RIN2: variants seen among roughly 807,000 people sequenced by gnomAD.
The protein encoded by RIN2 is RAB5 interacting protein 2.
RIN2 carries 36 observed loss-of-function variants against 78.0 expected under a neutral mutation model. The ratio of observed to expected loss-of-function variants is 0.46; its 90% confidence interval spans 0.35 to 0.61. The LOEUF (loss-of-function observed/expected upper bound fraction) is 0.61. Ranked by LOEUF, RIN2 falls within the 20% of genes least tolerant of loss-of-function variation. RIN2 has a pLI of 0.00. For synonymous variants in RIN2, 466 were observed against 466.8 expected, an observed-to-expected ratio of 1.00 and a Z score of 0.02; for missense variants, 1,087 against 1,159.7, an observed-to-expected ratio of 0.94 and a Z score of 0.91.
Position 20,000,642 on chromosome 20 carries a change from C to G in RIN2, c.2394C>G (p.Val798=). ...QNYLRVAFQE[V]NSGCTGKTLL... ...ACCTCCGAGTTGCATTTCAGGAGGT[C>G]AACAGTGGTTGCACAGGAAAGACCC... The change falls in exon 13 of 13, where the codon GTC becomes GTG. Residue 798 remains valine (V), a synonymous_variant. Transcript: ENST00000255006. The G allele has an allele frequency of 1.2e-6, 2 of 1,605,382 alleles. No individual in the cohort carries two copies. The highest frequency in any genetic ancestry group is 1.7e-6 in the Non-Finnish European group (2 of 1,173,048).
At chr20:19,926,985 T>C (rs1481350470) in intron 3 of RIN2, among the ~76,000 whole-genome samples, 2 of 152,236 alleles carry the variant, frequency 1.3e-5, no homozygotes, top group African/African-American at 2.4e-5. Context: ...TTCCTATGCA[T>C]GCAAAGAAGC....
chr20:19,821,288 T>A (rs1405011601), intron 2 of RIN2, among the ~76,000 whole-genome samples: 1 of 152,224 alleles, frequency 6.6e-6, no homozygotes, highest in African/African-American at 2.4e-5. Flanking sequence ...AGATGTCTTA[T>A]TTTGGTGAAT....
At chr20:19,950,247 C>G (rs16981377) in intron 4 of RIN2, among the ~76,000 whole-genome samples, 8,639 of 152,162 alleles carry the variant, frequency 0.057, 494 homozygotes, top group East Asian at 0.3. Context: ...ACTTTGCGGG[C>G]CATTCTATGG....
rs534305552 is a variant in RIN2, at chr20:19,812,034, C to T, written c.-37+12287C>T. The stretch of plus-strand genomic sequence containing the variant: ...AACATAGTGTTATTAAAGTCATCCA[C>T]GTTGTAGCAGGTATCAATAGCTTGT... On this transcript the variant is annotated intron_variant, in intron 2 of 12. Coordinates refer to ENST00000255006, the MANE Select transcript of RIN2 (RefSeq NM_018993.4). Among the ~76,000 whole-genome samples the T allele has an allele frequency of 2.2e-4, 33 of 151,032 alleles. 1 individual carries two copies. In the South Asian group the frequency reaches 6.8e-3, roughly 31 times the overall value.
chr20:19,765,905 A>C (rs773094010), intron 1 of RIN2, among the ~76,000 whole-genome samples: 2 of 151,994 alleles, frequency 1.3e-5, no homozygotes, highest in Non-Finnish European at 2.9e-5. Flanking sequence ...ATGGCTTGTG[A>C]GAAAAGGAGG....
chr20:19,820,423 T>G (rs1224564683), intron 2 of RIN2, among the ~76,000 whole-genome samples: 1 of 152,232 alleles, frequency 6.6e-6, no homozygotes, highest in Non-Finnish European at 1.5e-5. Flanking sequence ...ATTGTCACTA[T>G]TTCCCTTAAA....
intron 2 of RIN2, among the ~76,000 whole-genome samples, chr20:19,849,480 G>A (rs1360215217): frequency 6.6e-6 from 1 of 152,174 alleles, no homozygotes; most frequent in African/African-American, 2.4e-5. Context: ...CTCTGCTCCT[G>A]CTCAGCAGCA....
chr20:19,947,676 C>T (rs1264968675), intron 4 of RIN2, among the ~76,000 whole-genome samples: 1 of 152,224 alleles, frequency 6.6e-6, no homozygotes, highest in African/African-American at 2.4e-5. Context: ...CTAGGAGATT[C>T]CCGGAAACCT....
intron 2 of RIN2, among the ~76,000 whole-genome samples, chr20:19,874,714 T>G (rs181339614): frequency 2.7e-4 from 41 of 152,290 alleles, no homozygotes; most frequent in Admixed American, 1.1e-3. Context: ...CAGGTTACAC[T>G]GAGCAGAGGA....
Position 19,990,305 on chromosome 20 carries a change from A to C in RIN2, c.2062A>C (p.Asn688His). 1 of 1,606,626 alleles carries C rather than the reference A, an allele frequency of 6.2e-7. No homozygotes were observed. Among genetic ancestry groups the C allele is most frequent in the Non-Finnish European group, 8.5e-7 (1 of 1,174,192 alleles). ...GCTCATTTACACGGTCATGGAGAAC[A>C]ACTCAGGTGAGGCCGCTGGAAGCCC... ...CKLIYTVMENNSGRMYGADDF... is the reference protein window; with the variant it reads ...CKLIYTVMENHSGRMYGADDF... The change falls in exon 10 of 13, where the codon AAC becomes CAC. Residue 688 changes from asparagine (N) to histidine (H), a missense_variant. Around this residue, in one of 8 missense-constraint regions of RIN2, gnomAD observed 45 missense variants for 88.1 expected, o/e 0.51. Transcript: ENST00000255006.
chr20:19,834,920 G>T (rs2036362126), intron 2 of RIN2, among the ~76,000 whole-genome samples: 1 of 145,754 alleles, frequency 6.9e-6, no homozygotes, highest in African/African-American at 2.5e-5. Flanking sequence ...CTCCAGCCAG[G>T]GCAACAGAGC....
chr20:19,994,820 A>G (rs961833699), intron 11 of RIN2, among the ~76,000 whole-genome samples: 11 of 152,342 alleles, frequency 7.2e-5, no homozygotes, highest in African/African-American at 2.2e-4. Context: ...AATATTTGGT[A>G]AAGATCAACA....
intron 2 of RIN2, among the ~76,000 whole-genome samples, chr20:19,839,651 C>T (rs1600583175): frequency 1.3e-5 from 2 of 152,192 alleles, no homozygotes; most frequent in Admixed American, 1.3e-4. Flanking sequence ...TAGTTCCACC[C>T]TTACCTCTGG....
chr20:19,993,278 T>G (rs2042852460), intron 11 of RIN2, among the ~76,000 whole-genome samples: 1 of 151,964 alleles, frequency 6.6e-6, no homozygotes, highest in South Asian at 2.1e-4. Context: ...GGTTTCGTTT[T>G]TTTTTTTCCC....
intron 9 of RIN2, among the ~76,000 whole-genome samples, chr20:19,988,847 G>A (rs1454198812): frequency 2.6e-5 from 4 of 151,928 alleles, no homozygotes; most frequent in Non-Finnish European, 4.4e-5. Context: ...CCTTCACTCA[G>A]ATTCCCAAAT....
intron 3 of RIN2, among the ~76,000 whole-genome samples, chr20:19,889,899 C>T (rs564623345): frequency 1.8e-4 from 28 of 152,268 alleles, no homozygotes; most frequent in South Asian, 6.2e-4. Context: ...CTGTGCAAGA[C>T]GGCTGAGGCT....
intron 9 of RIN2, among the ~76,000 whole-genome samples, chr20:19,986,309 G>A (rs2042621189): frequency 6.6e-6 from 1 of 151,546 alleles, no homozygotes; most frequent in African/African-American, 2.4e-5. Flanking sequence ...TACTCTTTAT[G>A]TTTATTAAGG....
intron 4 of RIN2, among the ~76,000 whole-genome samples, chr20:19,942,894 G>C (rs2040938411): frequency 6.6e-6 from 1 of 152,210 alleles, no homozygotes; most frequent in African/African-American, 2.4e-5. Context: ...TCCAGAATTG[G>C]AGCTATTTTG....
intron 1 of RIN2, among the ~76,000 whole-genome samples, chr20:19,759,854 C>T (rs1022440841): frequency 2.6e-5 from 4 of 152,030 alleles, no homozygotes; most frequent in Middle Eastern, 3.4e-3. Context: ...CAGAGTGAAA[C>T]TCTGTCTAAA....
Sources: gnomAD v4.1 joint callset for allele counts (sites outside exome capture counted in the v4.1 genomes callset) on GRCh38, gnomAD v4.1.1 for gene constraint, gnomAD v4.1.1 regional missense constraint, MANE v1.5 for transcripts, NCBI Gene and HGNC (gene_info 2026-07-23, HGNC 2026-07-21) for gene names.